The following NFATC1 variants were observed in gnomAD, a reference collection of about 807,000 sequenced individuals.
NFATC1 encodes nuclear factor of activated T cells 1.
NFATC1 carries 22 observed loss-of-function variants against 76.0 expected under a neutral mutation model. The observed-to-expected ratio is 0.29, with a 90% CI of 0.21 to 0.41. The LOEUF is 0.41. Among genes scored for constraint, NFATC1 ranks in the 10% least tolerant of loss-of-function variants. The pLI is 1.00. For synonymous variants in NFATC1, 704 were observed against 613.1 expected (o/e 1.15, Z -2.19); for missense variants, 1,357 against 1,337.7 (o/e 1.01, Z -0.23).
At chr18:79,513,295 C>T (rs752683621) in intron 9 of NFATC1, among the ~76,000 whole-genome samples, 7 of 152,138 alleles carry the variant, frequency 4.6e-5, no homozygotes, top group Admixed American at 2.0e-4. Flanking sequence ...CTTCCCGTGG[C>T]AGAGGGCACC....
At chr18:79,405,631 A>G (rs2085409369) in intron 1 of NFATC1, among the ~76,000 whole-genome samples, 1 of 152,194 alleles carries the variant, frequency 6.6e-6, no homozygotes, top group South Asian at 2.1e-4. Context: ...TCTAGGAGGA[A>G]CAAGGGAACT....
intron 8 of NFATC1, among the ~76,000 whole-genome samples, chr18:79,481,716 G>C (rs2089277754): frequency 6.6e-6 from 1 of 152,256 alleles, no homozygotes; most frequent in South Asian, 2.1e-4. Flanking sequence ...TCTTCAGATG[G>C]GGCCCAGTGG....
At chr18:79,406,705 C>T (rs762181118) in intron 1 of NFATC1, among the ~76,000 whole-genome samples, 2 of 152,150 alleles carry the variant, frequency 1.3e-5, no homozygotes, top group African/African-American at 2.4e-5. Context: ...ACAGGTGGCT[C>T]GGCGTGGCAC....
At chr18:79,429,584 C>T (rs548389488) in intron 2 of NFATC1, among the ~76,000 whole-genome samples, 2 of 152,228 alleles carry the variant, frequency 1.3e-5, no homozygotes, top group South Asian at 2.1e-4. Flanking sequence ...AGGAAGCACG[C>T]GGAGTGGAGT....
At chr18:79,426,709 C>T (rs1344266853) in intron 2 of NFATC1, among the ~76,000 whole-genome samples, 3 of 152,230 alleles carry the variant, frequency 2.0e-5, no homozygotes, top group East Asian at 1.9e-4. Context: ...GGTGTTGCTG[C>T]GGGTGTGGAG....
intron 7 of NFATC1, among the ~76,000 whole-genome samples, chr18:79,463,661 C>T (rs1417004115): frequency 6.6e-6 from 1 of 152,380 alleles, no homozygotes; most frequent in East Asian, 1.9e-4. Flanking sequence ...CACTGGGCTG[C>T]CCTTGCTCTG....
At chr18:79,435,353 T>TTTGTTG (rs1161254993) in intron 3 of NFATC1, among the ~76,000 whole-genome samples, 2 of 141,944 alleles carry the variant, frequency 1.4e-5, no homozygotes, top group Non-Finnish European at 3.1e-5. Context: ...GGTTTGTTTG[T>TTTGTTG]TTTTTTTTTT....
At chr18:79,478,117 G>GCCC (rs35589244) in intron 8 of NFATC1, among the ~76,000 whole-genome samples, 11 of 87,348 alleles carry the variant, frequency 1.3e-4, no homozygotes, top group African/African-American at 5.3e-4. Context: ...TTGCCCCCAG[G>GCCC]CCCCCCCCCG....
chr18:79,410,458 G>A lies in NFATC1; in HGVS notation c.183G>A (p.Ala61=), dbSNP rs776245598. The A allele has an allele frequency of 1.9e-5, 30 of 1,612,086 alleles. No individual in the cohort carries two copies. The highest frequency in any genetic ancestry group is 1.7e-4 in the Middle Eastern group (1 of 6,060). Residue 61 remains alanine (A), a synonymous_variant, in exon 2 of 10, where the codon GCG becomes GCA. Transcript: ENST00000427363. The surrounding 1 kb of genome is among the most constrained non-coding windows in gnomAD (Gnocchi z 6.7). The part of the protein sequence containing the change: ...NVSPALPLPT[A]HSTLPAPCHN... ...GCCCCGCCCTGCCGCTCCCCACGGC[G>A]CACTCCACCCTGCCGGCCCCGTGCC...
rs1351299765 is a variant in NFATC1, at chr18:79,499,961, GC to G, written c.2782+13028del. Among the ~76,000 whole-genome samples, 3 of 152,196 alleles carry G rather than the reference GC, an allele frequency of 2.0e-5. No homozygotes were observed. The East Asian group carries it at 5.8e-4, about 29-fold the overall frequency. On this transcript the variant is annotated intron_variant, in intron 9 of 9. Transcript: ENST00000427363. ...TATAAACACATTTGCACATAACAGAGCCCCATAATACATGAAACAAGAACTG... is the reference window on the plus strand; with the variant it reads ...TATAAACACATTTGCACATAACAGAGCCCATAATACATGAAACAAGAACTG...
rs374520843 is a variant in NFATC1 at position 79,474,083 on chromosome 18, C to T, written c.2092+6501C>T. Among the ~76,000 whole-genome samples the T allele has an allele frequency of 3.0e-3, 400 of 135,482 alleles. 11 individuals carry two copies. Among genetic ancestry groups the T allele is most frequent in the African/African-American group, 8.4e-3 (293 of 35,054 alleles). 88.9% of individuals were successfully genotyped at this position (135,482 alleles called of 152,430 possible). A position where few individuals can be genotyped will look rare whatever the true frequency, so the allele number is the denominator to read the frequency against. ...TAAACCTGAGGGAAGCGTGTTCTCACGCTCACTGTCGACGTTGTAAACCTG... is the reference window on the plus strand; with the variant it reads ...TAAACCTGAGGGAAGCGTGTTCTCATGCTCACTGTCGACGTTGTAAACCTG... On this transcript the variant is annotated intron_variant, in intron 8 of 9. Coordinates refer to ENST00000427363, the MANE Select transcript of NFATC1 (RefSeq NM_001278669.2).
chr18:79,474,478 A>C (rs2088952653), intron 8 of NFATC1, among the ~76,000 whole-genome samples: 1 of 148,858 alleles, frequency 6.7e-6, no homozygotes, highest in South Asian at 2.1e-4. Flanking sequence ...AACCTGAGGG[A>C]AGCGTGTTCT....
chr18:79,448,649 G>T (rs2087320020), intron 3 of NFATC1, 133 bp from the exon 4 acceptor site: 9 of 802,134 alleles, frequency 1.1e-5, no homozygotes, highest in Non-Finnish European at 1.8e-5. Flanking sequence ...AGTATGACAT[G>T]GCAGAGAAAT....
chr18:79,452,022 G>A (rs1428800398), intron 6 of NFATC1: 1 of 537,440 alleles, frequency 1.9e-6, no homozygotes, highest in Non-Finnish European at 3.0e-6. Flanking sequence ...CTGAAGGGAA[G>A]AGGTGGATGT....
intron 3 of NFATC1, 71 bp downstream of exon 3, chr18:79,433,809 C>A: frequency 6.5e-7 from 1 of 1,549,688 alleles, no homozygotes; most frequent in Non-Finnish European, 8.7e-7. Context: ...GGAGCCACAG[C>A]TAACTGTGCT....
chr18:79,451,218 G>C, intron 5 of NFATC1, 92 bp downstream of exon 5: 1 of 1,444,022 alleles, frequency 6.9e-7, no homozygotes, highest in South Asian at 1.3e-5. Flanking sequence ...CGTTCGTGTA[G>C]ACTTGGGACT....
intron 9 of NFATC1, among the ~76,000 whole-genome samples, chr18:79,508,348 G>C (rs962136773): frequency 3.9e-5 from 6 of 152,178 alleles, no homozygotes; most frequent in Admixed American, 3.9e-4. Flanking sequence ...CAGTTCGCTC[G>C]GCCTGACCAG....
rs2085668295 is a variant in NFATC1, at chr18:79,411,307, C to T, written c.1032C>T (p.Pro344=). 6.2e-7 allele frequency: 1 copy of T among 1,603,074 alleles called. No individual in the cohort carries two copies. Among genetic ancestry groups the T allele is most frequent in the South Asian group, 1.1e-5 (1 of 90,764 alleles). Reference sequence around the variant, plus strand: ...GCAAGACCACCCTGGAGCAGCCGCCCTCAGTGGCGCTCAAGGTGGAGCCCG... The same window carrying T: ...GCAAGACCACCCTGGAGCAGCCGCCTTCAGTGGCGCTCAAGGTGGAGCCCG... ...KSRKTTLEQP[P]SVALKVEPVG... The change falls in exon 2 of 10, where the codon CCC becomes CCT. Residue 344 remains proline, a synonymous_variant. Coordinates refer to ENST00000427363, the MANE Select transcript of NFATC1 (RefSeq NM_001278669.2).
At chr18:79,413,655 C>T (rs555383033) in intron 2 of NFATC1, among the ~76,000 whole-genome samples, 55 of 152,356 alleles carry the variant, frequency 3.6e-4, no homozygotes, top group African/African-American at 1.2e-3. Context: ...TCGGCTGCCT[C>T]AGCCCCGGTC....
Sources: gnomAD v4.1 joint callset for allele counts (sites outside exome capture counted in the v4.1 genomes callset) on GRCh38, gnomAD v4.1.1 for gene constraint, Gnocchi (gnomAD v3.1) non-coding constraint, MANE v1.5 for transcripts, NCBI Gene and HGNC (gene_info 2026-07-23, HGNC 2026-07-21) for gene names.